DPP6: variants seen among roughly 807,000 people sequenced by gnomAD.
The protein encoded by DPP6 is A-type potassium channel modulatory protein DPP6.
A neutral mutation model predicts 122.6 loss-of-function variants in DPP6; 69 were observed. That is an observed-to-expected ratio of 0.56 (90% confidence interval 0.46 to 0.69). The LOEUF (loss-of-function observed/expected upper bound fraction) is 0.69, where lower values mean the gene tolerates loss of function less well. Among genes scored for constraint, DPP6 ranks in the 30% least tolerant of loss-of-function variants. The pLI is 0.00. For missense variants in DPP6, 928 were observed against 1,116.9 expected, an observed-to-expected ratio of 0.83 and a Z score of 2.41; for synonymous variants, 418 against 433.1, an observed-to-expected ratio of 0.97 and a Z score of 0.43.
intron 3 of DPP6, among the ~76,000 whole-genome samples, chr7:154,487,631 G>A (rs191629898): frequency 1.3e-5 from 2 of 152,254 alleles, no homozygotes; most frequent in Admixed American, 6.5e-5. Flanking sequence ...ATTCTGCCGC[G>A]TCCTCTTTTT....
At chr7:154,673,568 G>T (rs1375896951) in intron 7 of DPP6, among the ~76,000 whole-genome samples, 1 of 152,224 alleles carries the variant, frequency 6.6e-6, no homozygotes, top group African/African-American at 2.4e-5. Flanking sequence ...AGCCACTTCT[G>T]TGATGATGCT....
chr7:154,107,449 A>G (rs1203350019), intron 1 of DPP6, among the ~76,000 whole-genome samples: 3 of 152,184 alleles, frequency 2.0e-5, no homozygotes, highest in Non-Finnish European at 2.9e-5. Flanking sequence ...TGTTGGTACA[A>G]GGATATAAAA....
chr7:154,562,269 C>A (rs1014255566), intron 4 of DPP6, among the ~76,000 whole-genome samples: 1 of 152,082 alleles, frequency 6.6e-6, no homozygotes, highest in Non-Finnish European at 1.5e-5. Context: ...CTTATCCCAG[C>A]ATGCAAGGTT....
chr7:154,410,623 T>G (rs2151204496), intron 1 of DPP6, among the ~76,000 whole-genome samples: 1 of 152,338 alleles, frequency 6.6e-6, no homozygotes, highest in Non-Finnish European at 1.5e-5. Context: ...TTGTTATAAT[T>G]AAATAATCAC....
At chr7:154,244,154 A>G in intron 1 of DPP6, among the ~76,000 whole-genome samples, 1 of 152,176 alleles carries the variant, frequency 6.6e-6, no homozygotes, top group East Asian at 1.9e-4. Context: ...CAAAGCAGTT[A>G]GAGAGAAAAG....
intron 1 of DPP6, among the ~76,000 whole-genome samples, chr7:154,328,372 C>T (rs769136033): frequency 3.9e-5 from 6 of 152,068 alleles, no homozygotes; most frequent in South Asian, 2.1e-4. Context: ...GAAGTAACGA[C>T]GGGCCTGGAA....
At chr7:153,924,877 G>A (rs553891856) in intron 1 of DPP6, among the ~76,000 whole-genome samples, 1 of 152,316 alleles carries the variant, frequency 6.6e-6, no homozygotes, top group South Asian at 2.1e-4. Context: ...TCAGAGTCCT[G>A]ACTGCCAGTG....
chr7:154,057,160 T>C (rs747768820), intron 1 of DPP6, among the ~76,000 whole-genome samples: 6 of 152,238 alleles, frequency 3.9e-5, no homozygotes, highest in Non-Finnish European at 1.5e-5. Flanking sequence ...ATAATATTAC[T>C]GTTTCTAAAG....
intron 1 of DPP6, among the ~76,000 whole-genome samples, chr7:154,082,858 T>TC (rs1349542827): frequency 1.4e-5 from 2 of 144,190 alleles, no homozygotes; most frequent in African/African-American, 5.1e-5. Context: ...TTTTTTTTTT[T>TC]TTTTTTTTGA....
upstream of DPP6, among the ~76,000 whole-genome samples, chr7:154,052,187 C>A (rs1428046406): frequency 2.6e-5 from 4 of 151,596 alleles, no homozygotes; most frequent in African/African-American, 9.7e-5. The surrounding 1 kb of genome is among the most constrained non-coding windows in gnomAD (Gnocchi z 4.8). Flanking sequence ...GCCCCCGCAC[C>A]CACGACCCGC....
Position 154,892,582 on chromosome 7 carries a change from G to A in DPP6, c.*102G>A. On this transcript the variant is annotated 3_prime_UTR_variant, in exon 26 of 26. Transcript: ENST00000377770. Reference sequence around the variant, plus strand: ...TCCCTCGGAGGGGCGGGGCGGGGCGGGGCCGGGTGTTCCATAGCATGTGTG... The same window carrying A: ...TCCCTCGGAGGGGCGGGGCGGGGCGAGGCCGGGTGTTCCATAGCATGTGTG... The A allele has an allele frequency of 1.3e-6, 2 of 1,554,418 alleles. No individual in the cohort carries two copies. The highest frequency in any genetic ancestry group is 1.7e-6 in the Non-Finnish European group (2 of 1,149,842).
chr7:153,994,215 A>G (rs557336309), intron 1 of DPP6, among the ~76,000 whole-genome samples: 74 of 151,636 alleles, frequency 4.9e-4, no homozygotes, highest in Non-Finnish European at 7.8e-4. Flanking sequence ...ACAAAGCTAC[A>G]ATGAGGGAAT....
chr7:153,770,764 G>T, the DPP6 span, among the ~76,000 whole-genome samples: 1 of 152,158 alleles, frequency 6.6e-6, no homozygotes, highest in Non-Finnish European at 1.5e-5. Flanking sequence ...GACCAAATGG[G>T]CTATTGCAGC....
At position 154,618,615 on chromosome 7, in the gene DPP6, C is replaced by T. The variant is rs1834425993; in HGVS notation, c.628-19206C>T. Among the ~76,000 whole-genome samples, 1 of 152,212 alleles carries T rather than the reference C, an allele frequency of 6.6e-6. No individual in the cohort carries two copies. ...TTTATGATGTGCTCAGAGCCACGCA[C>T]AGGATCGCTAGAAGCCGGGGCCACA... is the stretch of plus-strand genomic sequence containing the variant. On this transcript the variant is annotated intron_variant, in intron 5 of 25. Transcript: ENST00000377770. The surrounding 1 kb of genome is among the most constrained non-coding windows in gnomAD (Gnocchi z 4.1).
chr7:154,524,631 T>C (rs1324902134), intron 3 of DPP6, among the ~76,000 whole-genome samples: 1 of 152,186 alleles, frequency 6.6e-6, no homozygotes, highest in Non-Finnish European at 1.5e-5. Flanking sequence ...CATGTTTGTC[T>C]CATGGCAATA....
intron 1 of DPP6, among the ~76,000 whole-genome samples, chr7:153,944,193 G>T (rs946457506): frequency 4.6e-5 from 7 of 152,222 alleles, no homozygotes; most frequent in Admixed American, 4.6e-4. Context: ...GGTCCGTCTG[G>T]CCATGTATTT....
chr7:153,927,082 G>A (rs1305497837), intron 1 of DPP6, among the ~76,000 whole-genome samples: 6 of 152,026 alleles, frequency 3.9e-5, no homozygotes, highest in African/African-American at 1.5e-4. Flanking sequence ...GAAGACGAAG[G>A]CAGGAGGATT....
At chr7:153,870,603 CT>C in the DPP6 span, among the ~76,000 whole-genome samples, 1 of 152,180 alleles carries the variant, frequency 6.6e-6, no homozygotes, top group Admixed American at 6.5e-5. Context: ...AAACTTCCTC[CT>C]TTAGCTCAGA....
At chr7:154,058,076 C>CACA (rs530104205) in intron 1 of DPP6, 2 of 138,108 alleles carry the variant, frequency 1.4e-5, no homozygotes, top group South Asian at 2.4e-4. Context: ...ACTCCCATTG[C>CACA]GGGTGGAGGG....
Sources: gnomAD v4.1 joint callset for allele counts (sites outside exome capture counted in the v4.1 genomes callset) on GRCh38, gnomAD v4.1.1 for gene constraint, Gnocchi (gnomAD v3.1) non-coding constraint, MANE v1.5 for transcripts, NCBI Gene and HGNC (gene_info 2026-07-23, HGNC 2026-07-21) for gene names.